Variants in FAM193A observed in about 807,000 individuals in gnomAD.
FAM193A encodes the protein family with sequence similarity 193 member A, also known as protein FAM193A.
Under a neutral mutation model 126.5 loss-of-function variants are expected in FAM193A, and 22 were observed. That is an observed-to-expected ratio of 0.17 (90% CI 0.12 to 0.25). The LOEUF (loss-of-function observed/expected upper bound fraction) is 0.25. Among genes scored for constraint, FAM193A ranks in the 10% least tolerant of loss-of-function variants. The pLI, the probability that FAM193A is intolerant of heterozygous loss-of-function variation, is 1.00. For synonymous variants in FAM193A, 761 were observed against 646.8 expected, an observed-to-expected ratio of 1.18 and a Z score of -2.68; for missense variants, 1,675 against 1,672.8, an observed-to-expected ratio of 1.00 and a Z score of -0.02.
intron 1 of FAM193A, among the ~76,000 whole-genome samples, chr4:2,575,457 A>T (rs956805381): frequency 8.8e-5 from 13 of 147,292 alleles, no homozygotes; most frequent in Non-Finnish European, 1.6e-4. Context: ...TATTTGTTAG[A>T]TACTGGGATT....
At chr4:2,593,374 C>G (rs533190756) in intron 1 of FAM193A, among the ~76,000 whole-genome samples, 2 of 152,322 alleles carry the variant, frequency 1.3e-5, no homozygotes, top group South Asian at 2.1e-4. Context: ...CTTGTCAGCC[C>G]CATGCCAGCC....
In FAM193A at chr4:2,614,950, C is replaced by G. The variant is rs1015849837; in HGVS notation, c.502-10312C>G. ...TGATTGCTTCCCTCCTCTTTTTATT[C>G]CTGATACCAGTTTTTTGAGTTTTGT... On this transcript the variant is annotated intron_variant, in intron 2 of 20. Coordinates refer to ENST00000637812, the MANE Select transcript of FAM193A (RefSeq NM_001366318.2). 2.0e-5 allele frequency among the ~76,000 whole-genome samples: 3 copies of G among 152,104 alleles called. No individual in the cohort carries two copies. In the South Asian group the frequency reaches 6.2e-4, roughly 31 times the overall value.
chr4:2,616,148 C>T (rs976097967), intron 2 of FAM193A, among the ~76,000 whole-genome samples: 2 of 152,200 alleles, frequency 1.3e-5, no homozygotes, highest in Admixed American at 6.5e-5. Flanking sequence ...TCAATTTCTA[C>T]TTTAGGTATT....
intron 1 of FAM193A, among the ~76,000 whole-genome samples, chr4:2,591,454 G>A (rs1740568188): frequency 6.6e-6 from 1 of 152,066 alleles, no homozygotes; most frequent in South Asian, 2.1e-4. Flanking sequence ...AGGAGATGGA[G>A]GGCATGTGGG....
chr4:2,639,690 C>T (rs1255740807), intron 5 of FAM193A, 45 bp from the exon 6 acceptor site: 2 of 1,554,660 alleles, frequency 1.3e-6, no homozygotes, highest in Non-Finnish European at 1.8e-6. Context: ...TAGTCTTTAG[C>T]AATTCACTAC....
intron 13 of FAM193A, among the ~76,000 whole-genome samples, chr4:2,680,263 C>G (rs1452554454): frequency 6.6e-6 from 1 of 152,184 alleles, no homozygotes; most frequent in African/African-American, 2.4e-5. Context: ...TTTTGTGTTT[C>G]TAAAAATTTT....
intron 1 of FAM193A, among the ~76,000 whole-genome samples, chr4:2,551,626 G>C (rs1404663886): frequency 2.0e-5 from 3 of 152,052 alleles, no homozygotes; most frequent in South Asian, 4.1e-4. Context: ...AGTGATGTCT[G>C]CCCTTTCATT....
chr4:2,539,905 C>T (rs1737123444), intron 1 of FAM193A, among the ~76,000 whole-genome samples: 3 of 151,388 alleles, frequency 2.0e-5, no homozygotes, highest in African/African-American at 4.9e-5. Flanking sequence ...TCGAAACCAG[C>T]CTGGTTGACA....
In FAM193A at chr4:2,646,574, G is replaced by T. The variant is rs964176649; in HGVS notation, c.1164-111G>T. ...TGCAGAGTGGCACCCTGTTTTCCAC[G>T]TTGGGAGGCGAGATGACAAAGCAGG... is the stretch of plus-strand genomic sequence containing the variant. On this transcript the variant is annotated intron_variant, in intron 6 of 20. Coordinates refer to ENST00000637812, the MANE Select transcript of FAM193A (RefSeq NM_001366318.2). 3 of 1,175,636 alleles carry T rather than the reference G, an allele frequency of 2.6e-6. No homozygotes were observed. The East Asian group carries it at 7.6e-5, about 30-fold the overall frequency. The allele number at this position is 1,175,636 out of a possible 1,614,324, so 72.8% of individuals were successfully genotyped here. A position where few individuals can be genotyped will look rare whatever the true frequency, so the allele number is the denominator to read the frequency against.
At position 2,596,243 on chromosome 4, in the gene FAM193A, G is replaced by A. The variant is rs1264966575; in HGVS notation, c.415G>A (p.Val139Met). The change falls in exon 2 of 21, where the codon GTG becomes ATG. Residue 139 changes from valine (V) to methionine (M), a missense_variant. This residue lies in a region of FAM193A where 1,186 missense variants were observed against 1,109.2 expected (regional missense o/e 1.07). Coordinates refer to ENST00000637812, the MANE Select transcript of FAM193A (RefSeq NM_001366318.2). ...TTCCATGGCTCCCAAGGGCAACAGCGTGCTGCACCTGCCACTGTGGGTGTG... is the reference window on the plus strand; with the variant it reads ...TTCCATGGCTCCCAAGGGCAACAGCATGCTGCACCTGCCACTGTGGGTGTG... Reference protein sequence around the residue: ...ALSMAPKGNSVLHLPLWVCPD... With the variant: ...ALSMAPKGNSMLHLPLWVCPD... The A allele has an allele frequency of 1.3e-5, 9 of 702,898 alleles. No homozygotes were observed. The highest frequency in any genetic ancestry group is 5.2e-5 in the African/African-American group (3 of 57,254). 43.5% of individuals were successfully genotyped at this position (702,898 alleles called of 1,614,324 possible). A position where few individuals can be genotyped will look rare whatever the true frequency, so the allele number is the denominator to read the frequency against.
rs546437660 is a variant in FAM193A at position 2,670,751 on chromosome 4, C to T, written c.2080-1370C>T. Among the ~76,000 whole-genome samples, 236 of 152,256 alleles carry T rather than the reference C, an allele frequency of 1.6e-3. 1 individual carries two copies. Among genetic ancestry groups the T allele is most frequent in the African/African-American group, 5.5e-3 (229 of 41,534 alleles). ...TTGGGATTACAGGTGTGAGCCACTGCGCCCAGCCTAGGTCATACTTCTCTT... is the reference window on the plus strand; with the variant it reads ...TTGGGATTACAGGTGTGAGCCACTGTGCCCAGCCTAGGTCATACTTCTCTT... On this transcript the variant is annotated intron_variant, in intron 12 of 20. Coordinates refer to ENST00000637812, the MANE Select transcript of FAM193A (RefSeq NM_001366318.2).
intron 18 of FAM193A, among the ~76,000 whole-genome samples, chr4:2,699,442 C>CCA (rs1393970958): frequency 1.2e-5 from 1 of 85,520 alleles, no homozygotes; most frequent in South Asian, 5.5e-4. Flanking sequence ...TACCACCCCC[C>CCA]CCCCCACACA....
chr4:2,717,477 T>G (rs1230788407), intron 20 of FAM193A, among the ~76,000 whole-genome samples: 1 of 151,120 alleles, frequency 6.6e-6, no homozygotes, highest in Non-Finnish European at 1.5e-5. Flanking sequence ...GAGCCTGTAA[T>G]CCCAGCTACT....
chr4:2,661,777 T>G (rs921238397), intron 10 of FAM193A, among the ~76,000 whole-genome samples: 1 of 152,188 alleles, frequency 6.6e-6, no homozygotes, highest in Non-Finnish European at 1.5e-5. Context: ...AGTGCATGTT[T>G]TTGTGGACCT....
chr4:2,592,763 G>A (rs1740642120), intron 1 of FAM193A, among the ~76,000 whole-genome samples: 1 of 152,180 alleles, frequency 6.6e-6, no homozygotes, highest in African/African-American at 2.4e-5. Context: ...GCAAAGAGGG[G>A]AAGGAAGAGC....
chr4:2,653,029 A>T (rs74812685), intron 7 of FAM193A, among the ~76,000 whole-genome samples: 6,001 of 152,332 alleles, frequency 0.039, 134 homozygotes, highest in Middle Eastern at 0.061. Context: ...CCTACGTAGC[A>T]TAACATCCTG....
In FAM193A at chr4:2,607,878, C is replaced by G. The variant is rs1368428595; in HGVS notation, c.501+11549C>G. 5 of 731,056 alleles carry G rather than the reference C, an allele frequency of 6.8e-6. No individual in the cohort carries two copies. In the African/African-American group the frequency reaches 9.2e-5, roughly 13 times the overall value. 45.3% of individuals were successfully genotyped at this position (731,056 alleles called of 1,614,324 possible). ...AGCTCTTTATTGGTTGTATGTGTTG[C>G]AGATATTGCCTGTTTCTTTTTTGTC... is the stretch of plus-strand genomic sequence containing the variant. On this transcript the variant is annotated intron_variant, in intron 2 of 20. Coordinates refer to ENST00000637812, the MANE Select transcript of FAM193A (RefSeq NM_001366318.2).
chr4:2,632,046 G>T (rs1204368500), intron 5 of FAM193A, among the ~76,000 whole-genome samples: 3 of 149,846 alleles, frequency 2.0e-5, no homozygotes, highest in South Asian at 2.1e-4. Context: ...GGTTAGGAAG[G>T]CTGAGAAGTC....
chr4:2,683,296 T>G (rs898977705), intron 13 of FAM193A, among the ~76,000 whole-genome samples: 12 of 151,878 alleles, frequency 7.9e-5, no homozygotes, highest in South Asian at 2.1e-4. Context: ...TTTTTTTTTT[T>G]TTGTTTTTTG....
Sources: gnomAD v4.1 joint callset for allele counts (sites outside exome capture counted in the v4.1 genomes callset) on GRCh38, gnomAD v4.1.1 for gene constraint, gnomAD v4.1.1 regional missense constraint, MANE v1.5 for transcripts, NCBI Gene and HGNC (gene_info 2026-07-23, HGNC 2026-07-21) for gene names.